Variants in NALF1 observed in about 807,000 individuals in gnomAD.
The protein encoded by NALF1 is family with sequence similarity 155 member A.
Under a neutral mutation model 48.4 loss-of-function variants are expected in NALF1, and 3 were observed. The observed-to-expected ratio is 0.06, with a 90% confidence interval of 0.03 to 0.16. The LOEUF is 0.16. NALF1 is among the 10% of genes least tolerant of loss of function. NALF1 has a pLI of 1.00. For synonymous variants in NALF1, 262 were observed against 245.7 expected, an observed-to-expected ratio of 1.07 and a Z score of -0.62; for missense variants, 526 against 571.5, an observed-to-expected ratio of 0.92 and a Z score of 0.81.
chr13:107,437,445 G>T (rs1029450056), intron 1 of NALF1, among the ~76,000 whole-genome samples: 1 of 152,154 alleles, frequency 6.6e-6, no homozygotes. Context: ...AATGCTTATT[G>T]CAGATTATTC....
chr13:107,723,758 C>G (rs1876060630), intron 1 of NALF1, among the ~76,000 whole-genome samples: 1 of 152,162 alleles, frequency 6.6e-6, no homozygotes, highest in Admixed American at 6.5e-5. Context: ...AGGTCCAACT[C>G]AGGTTAAAGA....
chr13:107,220,738 C>G (rs971073135), intron 1 of NALF1, among the ~76,000 whole-genome samples: 5 of 152,094 alleles, frequency 3.3e-5, no homozygotes, highest in African/African-American at 1.2e-4. Flanking sequence ...CAGTGCACCT[C>G]CGTGTGGAGG....
intron 1 of NALF1, among the ~76,000 whole-genome samples, chr13:107,628,237 G>A (rs1244700025): frequency 1.3e-5 from 2 of 152,050 alleles, no homozygotes; most frequent in Non-Finnish European, 2.9e-5. Flanking sequence ...CAGTCAAGAT[G>A]CATGATCTGG....
At chr13:107,517,370 C>T (rs1026709711) in intron 1 of NALF1, among the ~76,000 whole-genome samples, 1 of 150,302 alleles carries the variant, frequency 6.7e-6, no homozygotes, top group Admixed American at 6.6e-5. Flanking sequence ...GTGGCTCATG[C>T]CTATAATTCC....
At chr13:107,293,972 G>A (rs1881678679) in intron 1 of NALF1, among the ~76,000 whole-genome samples, 1 of 152,212 alleles carries the variant, frequency 6.6e-6, no homozygotes, top group Non-Finnish European at 1.5e-5. Context: ...AAACAAGGGA[G>A]GATTTCAGCT....
intron 1 of NALF1, among the ~76,000 whole-genome samples, chr13:107,584,304 G>A (rs1382678172): frequency 6.6e-6 from 1 of 152,164 alleles, no homozygotes; most frequent in Non-Finnish European, 1.5e-5. Context: ...CTGTGATTTG[G>A]AAAGTTGGAT....
intron 1 of NALF1, among the ~76,000 whole-genome samples, chr13:107,717,716 G>A: frequency 6.6e-6 from 1 of 152,018 alleles, no homozygotes; most frequent in Non-Finnish European, 1.5e-5. Context: ...CCAGGAGTGG[G>A]GAAAGTAAGG....
chr13:107,764,542 T>C (rs1442419097), intron 1 of NALF1, among the ~76,000 whole-genome samples: 11 of 152,164 alleles, frequency 7.2e-5, no homozygotes, highest in Admixed American at 7.2e-4. Flanking sequence ...CTTTGTCTTA[T>C]CCAGGTGACA....
chr13:107,503,495 T>C (rs72652727), intron 1 of NALF1, among the ~76,000 whole-genome samples: 46,697 of 151,712 alleles, frequency 0.31, 7,324 homozygotes, highest in Non-Finnish European at 0.33. Context: ...TAATACACTG[T>C]TGGTGGGAAC....
intron 1 of NALF1, among the ~76,000 whole-genome samples, chr13:107,701,428 T>C (rs1037339942): frequency 6.6e-6 from 1 of 152,084 alleles, no homozygotes; most frequent in Non-Finnish European, 1.5e-5. Flanking sequence ...TATTGCATAA[T>C]CTCACTTCAA....
At chr13:107,633,443 T>C (rs1163683853) in intron 1 of NALF1, among the ~76,000 whole-genome samples, 2 of 152,016 alleles carry the variant, frequency 1.3e-5, no homozygotes, top group Admixed American at 1.3e-4. Flanking sequence ...TTTTCTATCA[T>C]AATGCACCAT....
At chr13:107,846,482 C>G (rs1880175165) in intron 1 of NALF1, among the ~76,000 whole-genome samples, 2 of 152,170 alleles carry the variant, frequency 1.3e-5, no homozygotes, top group African/African-American at 4.8e-5. Flanking sequence ...TGCCTCAGTA[C>G]TCCCATTCCT....
At chr13:107,239,164 G>A (rs1356315080) in intron 1 of NALF1, among the ~76,000 whole-genome samples, 2 of 152,158 alleles carry the variant, frequency 1.3e-5, no homozygotes, top group East Asian at 1.9e-4. Flanking sequence ...ATCAGTTTCC[G>A]AGGGCTGCTG....
rs367950212 is a variant in NALF1 at position 107,500,980 on chromosome 13, T to A, written c.916-290225A>T. ...GGTGGGGGGAGTGGGGAGGGATAGC[T>A]TTAGGAGATATACCTAATGCTAAAT... On this transcript the variant is annotated intron_variant, in intron 1 of 2. Transcript: ENST00000375915. Among the ~76,000 whole-genome samples the A allele has an allele frequency of 9.2e-5, 14 of 151,526 alleles. 1 individual carries two copies. Among genetic ancestry groups the A allele is most frequent in the Non-Finnish European group, 4.4e-5 (3 of 67,890 alleles).
chr13:107,813,795 A>G, intron 1 of NALF1, among the ~76,000 whole-genome samples: 1 of 152,186 alleles, frequency 6.6e-6, no homozygotes, highest in Non-Finnish European at 1.5e-5. Flanking sequence ...AATAAGATAG[A>G]CACTGAATGG....
chr13:107,351,241 TAA>T (rs1034468774), intron 1 of NALF1, among the ~76,000 whole-genome samples: 9 of 124,734 alleles, frequency 7.2e-5, no homozygotes, highest in African/African-American at 2.8e-4. Context: ...GATCTCGCGT[TAA>T]GTGTTCTTAC....
intron 1 of NALF1, among the ~76,000 whole-genome samples, chr13:107,836,241 T>C (rs891625010): frequency 4.6e-5 from 7 of 152,148 alleles, no homozygotes; most frequent in Non-Finnish European, 8.8e-5. Flanking sequence ...TCTGCCCCCC[T>C]TGGCATCCTA....
Position 107,167,803 on chromosome 13 carries a change from T to C in NALF1, c.*2694A>G, listed in dbSNP as rs1021861224. 2.6e-5 allele frequency: 4 copies of C among 152,276 alleles called. No homozygotes were observed. The highest frequency in any genetic ancestry group is 2.6e-4 in the Admixed American group (4 of 15,298). The allele number at this position is 152,276 out of a possible 1,614,324, so 9.4% of individuals were successfully genotyped here. A position where few individuals can be genotyped will look rare whatever the true frequency, so the allele number is the denominator to read the frequency against. On this transcript the variant is annotated 3_prime_UTR_variant, in exon 3 of 3. Transcript: ENST00000375915. ...AGTGTGTACCTCTTATGTAAAGCAA[T>C]GGTGGTTTTAGTTTTCCACCTTTTG...
At position 107,182,434 on chromosome 13, in the gene NALF1, C is replaced by T. The variant is rs142979741; in HGVS notation, c.1088-11648G>A. Among the ~76,000 whole-genome samples, 466 of 152,112 alleles carry T rather than the reference C, an allele frequency of 3.1e-3. 1 individual carries two copies. The highest frequency in any genetic ancestry group is 4.5e-3 in the Non-Finnish European group (306 of 68,006). ...GGCCTACAGGTGAATGCCACCACGC[C>T]TGGCTAATTTTGTATTTTTTGTAGA... is the stretch of plus-strand genomic sequence containing the variant. On this transcript the variant is annotated intron_variant, in intron 2 of 2. Transcript: ENST00000375915.
Sources: allele counts gnomAD v4.1 joint callset (sites outside exome capture counted in the v4.1 genomes callset), GRCh38; gene constraint gnomAD v4.1.1; transcripts MANE v1.5; gene names NCBI Gene and HGNC (gene_info 2026-07-23, HGNC 2026-07-21).